Variants in FCGR1A observed in about 807,000 individuals in gnomAD.
FCGR1A encodes the protein Fc gamma receptor Ia, also known as high affinity immunoglobulin gamma Fc receptor I.
A neutral mutation model predicts 35.0 loss-of-function variants in FCGR1A; 13 were observed. That is an observed-to-expected ratio of 0.37 (90% CI 0.24 to 0.59). The LOEUF (loss-of-function observed/expected upper bound fraction) is 0.59, where lower values mean the gene tolerates loss of function less well. FCGR1A is among the 20% of genes least tolerant of loss of function. The pLI is 0.71. For missense variants in FCGR1A, 227 were observed against 430.0 expected (o/e 0.53, Z 4.17); for synonymous variants, 91 against 164.7 (o/e 0.55, Z 3.43).
chr1:149,788,352 T>A lies in FCGR1A; in HGVS notation c.308-14T>A, dbSNP rs373423454. 67 of 1,611,976 alleles carry A rather than the reference T, an allele frequency of 4.2e-5. 1 individual carries two copies. The highest frequency in any genetic ancestry group is 3.3e-4 in the East Asian group (15 of 44,886). The stretch of plus-strand genomic sequence containing the variant: ...CTCCACTGTATACATACATTTTGGG[T>A]TCATATTTTTCAGGCTGGCTACTAC... On this transcript the variant is annotated splice_polypyrimidine_tract_variant and intron_variant, in intron 3 of 5. Transcript: ENST00000369168.
chr1:149,790,867 C>T (rs1287913177), intron 5 of FCGR1A, among the ~76,000 whole-genome samples: 1 of 152,092 alleles, frequency 6.6e-6, no homozygotes, highest in East Asian at 1.9e-4. Flanking sequence ...CCCCAAGTAT[C>T]TCTATTTAAC....
chr1:149,794,354 G>A (rs1205148539), downstream of FCGR1A, among the ~76,000 whole-genome samples: 6 of 151,740 alleles, frequency 4.0e-5, no homozygotes, highest in African/African-American at 9.7e-5. Flanking sequence ...GGAGGGGAAC[G>A]GGGTAGCAAG....
chr1:149,784,646 ATATATATAC>A lies in FCGR1A; in HGVS notation c.307+390_307+398del, dbSNP rs1156739893. 7.3e-3 allele frequency among the ~76,000 whole-genome samples: 1,090 copies of A among 149,822 alleles called. 9 individuals carry two copies. The highest frequency in any genetic ancestry group is 0.013 in the Non-Finnish European group (856 of 67,556). ...CTTCCACAGAAACAAAACTGCTAATATATATATACATATTATGCATATATATGTATATAT... is the reference window on the plus strand; with the variant it reads ...CTTCCACAGAAACAAAACTGCTAATAATATTATGCATATATATGTATATAT... On this transcript the variant is annotated intron_variant, in intron 3 of 5. Transcript: ENST00000369168.
chr1:149,785,407 C>A (rs1265116471), intron 3 of FCGR1A, among the ~76,000 whole-genome samples: 1 of 74,544 alleles, frequency 1.3e-5, no homozygotes, highest in Non-Finnish European at 2.9e-5. Context: ...AGAGCTGTTT[C>A]GTTTTTTTTT....
the FCGR1A span, among the ~76,000 whole-genome samples, chr1:149,798,661 G>A: frequency 6.6e-6 from 1 of 151,338 alleles, no homozygotes; most frequent in East Asian, 1.9e-4. Flanking sequence ...CACCAGGCCA[G>A]AGTGCAAAGG....
Position 149,790,332 on chromosome 1 carries a change from G to T in FCGR1A, c.838G>T (p.Val280Leu). 1 of 1,587,686 alleles carries T rather than the reference G, an allele frequency of 6.3e-7. No individual in the cohort carries two copies. Among genetic ancestry groups the T allele is most frequent in the Non-Finnish European group, 8.6e-7 (1 of 1,167,230 alleles). The change falls in exon 5 of 6, where the codon GTG becomes TTG. Residue 280 changes from valine (V) to leucine (L), a missense_variant. Physicochemically the swap from Val to Leu is conservative, Grantham distance 32. Coordinates refer to ENST00000369168, the MANE Select transcript of FCGR1A (RefSeq NM_000566.4). The part of the protein sequence containing the change: ...LKRSPELELQ[V>L]LGLQLPTPVW... Reference sequence around the variant, plus strand: ...GCGCAGCCCTGAGTTGGAGCTTCAAGTGCTTGGTGAGTGAGAATGACGGGA... The same window carrying T: ...GCGCAGCCCTGAGTTGGAGCTTCAATTGCTTGGTGAGTGAGAATGACGGGA...
intron 3 of FCGR1A, chr1:149,785,837 C>A (rs1424835078): frequency 6.6e-6 from 1 of 152,162 alleles, no homozygotes; most frequent in African/African-American, 2.4e-5. Context: ...CTGACACTGA[C>A]TTCCAGCACC....
At chr1:149,793,327 C>G (rs1402541713), downstream of FCGR1A, 1 of 1,150,170 alleles carries the variant, frequency 8.7e-7, no homozygotes, top group Non-Finnish European at 1.1e-6. Context: ...CTGGTTCCCT[C>G]ACCGTCAAAA....
rs781855250 is a variant in FCGR1A at position 149,789,393 on chromosome 1, A to AAATAATAATAATAAT, written c.560-648_560-634dup. On this transcript the variant is annotated intron_variant, in intron 4 of 5. Coordinates refer to ENST00000369168, the MANE Select transcript of FCGR1A (RefSeq NM_000566.4). ...GGGCAACAGAGCGAGACTACGTCTC[A>AAATAATAATAATAAT]AATAATAATAATAATAATAATAATA... Among the ~76,000 whole-genome samples, 1,109 of 148,740 alleles carry AAATAATAATAATAAT rather than the reference A, an allele frequency of 7.5e-3. 6 individuals are homozygous for AAATAATAATAATAAT. The highest frequency in any genetic ancestry group is 9.7e-3 in the African/African-American group (383 of 39,542).
chr1:149,790,522 A>ATTTCC (rs782587884), intron 5 of FCGR1A, 184 bp downstream of exon 5: 1 of 992,384 alleles, frequency 1.0e-6, no homozygotes, highest in African/African-American at 1.7e-5. Context: ...AAACTGTTAA[A>ATTTCC]TTTCCTTTCC....
rs782097020 is a variant in FCGR1A at position 149,788,329 on chromosome 1, C to A, written c.308-37C>A. On this transcript the variant is annotated intron_variant, in intron 3 of 5. Coordinates refer to ENST00000369168, the MANE Select transcript of FCGR1A (RefSeq NM_000566.4). ...AAGCTTGGGCCTCCTTGTACCTCCT[C>A]CACTGTATACATACATTTTGGGTTC... The A allele has an allele frequency of 2.5e-6, 4 of 1,611,858 alleles. No individual in the cohort carries two copies. The East Asian group carries it at 8.9e-5, about 36-fold the overall frequency.
At chr1:149,795,669 A>G (rs1271942222), downstream of FCGR1A, among the ~76,000 whole-genome samples, 1 of 132,348 alleles carries the variant, frequency 7.6e-6, no homozygotes, top group African/African-American at 3.0e-5. Flanking sequence ...CAAGGTCACC[A>G]GCTATGCAAG....
the FCGR1A span, among the ~76,000 whole-genome samples, chr1:149,798,747 G>A: frequency 1.3e-5 from 2 of 152,076 alleles, no homozygotes; most frequent in Non-Finnish European, 2.9e-5. Flanking sequence ...AAGTAGCTGG[G>A]ACTACAGGTG....
chr1:149,796,793 C>T, the FCGR1A span, among the ~76,000 whole-genome samples: 8 of 152,134 alleles, frequency 5.3e-5, no homozygotes, highest in Admixed American at 5.2e-4. Flanking sequence ...TTCATTTAGC[C>T]TTCATAATAT....
intron 3 of FCGR1A, chr1:149,786,809 G>A (rs1165372791): frequency 6.6e-6 from 1 of 152,136 alleles, no homozygotes; most frequent in Non-Finnish European, 1.5e-5. Context: ...TTGGAGGGTA[G>A]TTTTTTGCTA....
At chr1:149,793,185 C>T, downstream of FCGR1A, 1 of 1,278,360 alleles carries the variant, frequency 7.8e-7, no homozygotes, top group Non-Finnish European at 1.0e-6. Flanking sequence ...GAGGACGGCG[C>T]TGGGCTCCCA....
chr1:149,786,456 C>T (rs1171297642), intron 3 of FCGR1A: 1 of 152,166 alleles, frequency 6.6e-6, no homozygotes, highest in Non-Finnish European at 1.5e-5. Flanking sequence ...TACAATACAC[C>T]AACATTTTTG....
chr1:149,793,016 C>G, downstream of FCGR1A: 2 of 1,266,620 alleles, frequency 1.6e-6, no homozygotes, highest in South Asian at 2.5e-5. Context: ...TCCCTCCAAC[C>G]CCGCCCCGGG....
the FCGR1A span, among the ~76,000 whole-genome samples, chr1:149,799,784 T>C: frequency 1.3e-5 from 2 of 152,228 alleles, no homozygotes; most frequent in Non-Finnish European, 2.9e-5. Flanking sequence ...GAGGAATTTC[T>C]GGCTTATCTT....
Sources: allele counts gnomAD v4.1 joint callset (sites outside exome capture counted in the v4.1 genomes callset), GRCh38; gene constraint gnomAD v4.1.1; transcripts MANE v1.5; gene names NCBI Gene and HGNC (gene_info 2026-07-23, HGNC 2026-07-21).